Variants in PDE4B observed in about 807,000 individuals in gnomAD.
The protein encoded by PDE4B is phosphodiesterase 4B.
Under a neutral mutation model 82.2 loss-of-function variants are expected in PDE4B, and 20 were observed. The ratio of observed to expected loss-of-function variants is 0.24; its 90% confidence interval spans 0.17 to 0.35. The LOEUF is 0.35. Ranked by LOEUF, PDE4B falls within the 10% of genes least tolerant of loss-of-function variation. PDE4B has a pLI of 1.00. For missense variants in PDE4B, 655 were observed against 907.2 expected, an observed-to-expected ratio of 0.72 and a Z score of 3.57; for synonymous variants, 320 against 318.9, an observed-to-expected ratio of 1.00 and a Z score of -0.04.
rs569009179 is a variant in PDE4B, at chr1:66,237,865, C to T, written c.282-9595C>T. On this transcript the variant is annotated intron_variant, in intron 3 of 16. Transcript: ENST00000341517. ...CATTTGTTCATAACCTGCAGTATGT[C>T]CCAGGAAAGTGCCAGGCACTAGTTA... Among the ~76,000 whole-genome samples the T allele has an allele frequency of 8.6e-4, 131 of 152,224 alleles. 1 individual carries two copies. Among genetic ancestry groups the T allele is most frequent in the Admixed American group, 8.0e-3 (123 of 15,288 alleles).
chr1:66,109,575 T>C (rs1645439955), intron 3 of PDE4B, among the ~76,000 whole-genome samples: 1 of 151,958 alleles, frequency 6.6e-6, no homozygotes, highest in African/African-American at 2.4e-5. Flanking sequence ...GTTAATTTCA[T>C]ATATGACAGC....
At chr1:65,981,284 G>A (rs1049692932) in intron 3 of PDE4B, among the ~76,000 whole-genome samples, 2 of 152,088 alleles carry the variant, frequency 1.3e-5, no homozygotes, top group African/African-American at 4.8e-5. Context: ...AACATGCCAA[G>A]GTACGTTAAA....
chr1:66,275,425 C>T (rs1323674533), intron 7 of PDE4B, among the ~76,000 whole-genome samples: 1 of 152,060 alleles, frequency 6.6e-6, no homozygotes, highest in Non-Finnish European at 1.5e-5. Context: ...GAGGATTGGC[C>T]CTTTTGGGAA....
Position 66,332,617 on chromosome 1 carries a change from C to G in PDE4B, c.744C>G (p.Asn248Lys). 1 of 1,613,680 alleles carries G rather than the reference C, an allele frequency of 6.2e-7. No individual in the cohort carries two copies. The highest frequency in any genetic ancestry group is 8.5e-7 in the Non-Finnish European group (1 of 1,179,718). ...TYRSVSEMAS[N>K]KFKRMLNREL... ...GGTCTGTCAGTGAGATGGCTTCTAA[C>G]AAGGTAAGAGATGATCTTTTTATTC... Residue 248 changes from asparagine (N) to lysine (K), a missense_variant, in exon 8 of 17, where the codon AAC becomes AAG. Asn to Lys is a moderately conservative substitution (Grantham distance 94). This residue lies in a region of PDE4B where 283 missense variants were observed against 516.4 expected (regional missense o/e 0.55). Coordinates refer to ENST00000341517, the MANE Select transcript of PDE4B (RefSeq NM_002600.4).
chr1:66,044,268 GA>G (rs1174963891), intron 3 of PDE4B, among the ~76,000 whole-genome samples: 1 of 151,644 alleles, frequency 6.6e-6, no homozygotes, highest in African/African-American at 2.4e-5. Context: ...TTAGGTATAT[GA>G]ATTTACAAAT....
chr1:65,880,487 G>T (rs568647124), intron 1 of PDE4B, among the ~76,000 whole-genome samples: 1 of 152,162 alleles, frequency 6.6e-6, no homozygotes, highest in Admixed American at 6.5e-5. Context: ...AATCCTCAAG[G>T]TGATGGTATT....
At chr1:66,347,417 C>T (rs1266767336) in intron 8 of PDE4B, among the ~76,000 whole-genome samples, 1 of 152,178 alleles carries the variant, frequency 6.6e-6, no homozygotes, top group Non-Finnish European at 1.5e-5. Flanking sequence ...TGCAAACCTC[C>T]AACCTGTTAC....
chr1:66,013,961 T>C (rs1382808078), intron 3 of PDE4B, among the ~76,000 whole-genome samples: 1 of 152,170 alleles, frequency 6.6e-6, no homozygotes, highest in Non-Finnish European at 1.5e-5. Flanking sequence ...TTTATTATTT[T>C]CTGTTATTTT....
chr1:66,021,652 T>C (rs1233944514), intron 3 of PDE4B, among the ~76,000 whole-genome samples: 1 of 152,226 alleles, frequency 6.6e-6, no homozygotes, highest in Non-Finnish European at 1.5e-5. Context: ...GAGGGCTCTG[T>C]TCTGTTCCAT....
At chr1:66,038,458 A>G (rs1654181315) in intron 3 of PDE4B, among the ~76,000 whole-genome samples, 2 of 152,072 alleles carry the variant, frequency 1.3e-5, no homozygotes, top group Admixed American at 1.3e-4. Flanking sequence ...AGTGAAGAGA[A>G]CATCCTTTCT....
intron 3 of PDE4B, chr1:66,094,423 T>C (rs756002113): frequency 5.9e-5 from 9 of 152,066 alleles, no homozygotes; most frequent in Non-Finnish European, 8.8e-5. Flanking sequence ...TCATTTAATA[T>C]GAACAATTGT....
intron 3 of PDE4B, among the ~76,000 whole-genome samples, chr1:65,987,438 T>C (rs1651012411): frequency 6.6e-6 from 1 of 152,172 alleles, no homozygotes; most frequent in Non-Finnish European, 1.5e-5. Context: ...GCAATATGAC[T>C]GGATCACCGT....
intron 3 of PDE4B, among the ~76,000 whole-genome samples, chr1:66,212,489 GC>G (rs1650133171): frequency 6.6e-6 from 1 of 151,936 alleles, no homozygotes; most frequent in Non-Finnish European, 1.5e-5. Context: ...AGGAGGCCTA[GC>G]TTTCCCCTCC....
intron 3 of PDE4B, chr1:66,046,376 C>G: frequency 6.6e-6 from 1 of 151,662 alleles, no homozygotes; most frequent in Middle Eastern, 3.2e-3. Flanking sequence ...AGCCACAAAC[C>G]TCACAAAATT....
intron 1 of PDE4B, among the ~76,000 whole-genome samples, chr1:65,874,169 CT>C (rs1250559430): frequency 6.6e-6 from 1 of 151,686 alleles, no homozygotes; most frequent in Non-Finnish European, 1.5e-5. Context: ...ATTTTATTCT[CT>C]TTGAAGCAAT....
intron 7 of PDE4B, among the ~76,000 whole-genome samples, chr1:66,326,924 C>G (rs910017614): frequency 1.2e-4 from 19 of 152,190 alleles, no homozygotes; most frequent in African/African-American, 4.6e-4. Flanking sequence ...CATAAAGGGC[C>G]CCTGTGCCTA....
chr1:66,134,556 T>C (rs778588836), intron 3 of PDE4B, among the ~76,000 whole-genome samples: 3 of 152,174 alleles, frequency 2.0e-5, no homozygotes, highest in Non-Finnish European at 4.4e-5. Context: ...TGAACATGGG[T>C]CCTTGACTTG....
At chr1:66,032,176 T>A (rs950632879) in intron 3 of PDE4B, among the ~76,000 whole-genome samples, 2 of 152,202 alleles carry the variant, frequency 1.3e-5, no homozygotes, top group Admixed American at 1.3e-4. Context: ...TAAAACTGTT[T>A]TGAGGATTGA....
chr1:66,302,285 A>G (rs143284057), intron 7 of PDE4B, among the ~76,000 whole-genome samples: 1 of 152,242 alleles, frequency 6.6e-6, no homozygotes, highest in Non-Finnish European at 1.5e-5. Flanking sequence ...TAATTTCCAC[A>G]TTTATAAAAA....
Sources: gnomAD v4.1 joint callset for allele counts (sites outside exome capture counted in the v4.1 genomes callset) on GRCh38, gnomAD v4.1.1 for gene constraint, gnomAD v4.1.1 regional missense constraint, MANE v1.5 for transcripts, NCBI Gene and HGNC (gene_info 2026-07-23, HGNC 2026-07-21) for gene names.